Variants in SLC24A4 observed in about 807,000 individuals in gnomAD.
SLC24A4 encodes the protein sodium/potassium/calcium exchanger 4.
Under a neutral mutation model 79.0 loss-of-function variants are expected in SLC24A4, and 53 were observed. The observed-to-expected ratio is 0.67, with a 90% confidence interval of 0.54 to 0.84. SLC24A4 has a LOEUF of 0.84. Among genes scored for constraint, SLC24A4 ranks in the 40% least tolerant of loss-of-function variants. SLC24A4 has a pLI of 0.00. For synonymous variants in SLC24A4, 323 were observed against 323.8 expected, an observed-to-expected ratio of 1.00 and a Z score of 0.03; for missense variants, 731 against 822.0, an observed-to-expected ratio of 0.89 and a Z score of 1.35.
chr14:92,387,783 T>C (rs1369452285), intron 2 of SLC24A4, among the ~76,000 whole-genome samples: 2 of 152,248 alleles, frequency 1.3e-5, no homozygotes, highest in Non-Finnish European at 2.9e-5. Flanking sequence ...CTGCTCCAGG[T>C]ACCTCAAAGA....
intron 2 of SLC24A4, among the ~76,000 whole-genome samples, chr14:92,360,528 G>T (rs1170156379): frequency 6.6e-6 from 1 of 152,160 alleles, no homozygotes; most frequent in Non-Finnish European, 1.5e-5. Flanking sequence ...TTAGATATTT[G>T]GTTTATGTCC....
At position 92,456,618 on chromosome 14, in the gene SLC24A4, G is replaced by T; in HGVS notation, c.1255+10G>T. 1 of 1,612,150 alleles carries T rather than the reference G, an allele frequency of 6.2e-7. No homozygotes were observed. The highest frequency in any genetic ancestry group is 8.5e-7 in the Non-Finnish European group (1 of 1,179,442). On this transcript the variant is annotated intron_variant, in intron 12 of 16. Coordinates refer to ENST00000532405, the MANE Select transcript of SLC24A4 (RefSeq NM_153646.4). ...CCCTTCTCCGTGCCGGGTGAGTTCTGGGGGTACTGGACTCTCGGGCTACAT... is the reference window on the plus strand; with the variant it reads ...CCCTTCTCCGTGCCGGGTGAGTTCTTGGGGTACTGGACTCTCGGGCTACAT...
At chr14:92,468,364 C>T (rs1291755890) in intron 12 of SLC24A4, among the ~76,000 whole-genome samples, 1 of 152,070 alleles carries the variant, frequency 6.6e-6, no homozygotes, top group Non-Finnish European at 1.5e-5. Context: ...TAATGCAATC[C>T]TTATCAAAAC....
At chr14:92,348,113 G>A (rs12586368) in intron 2 of SLC24A4, among the ~76,000 whole-genome samples, 20,157 of 152,086 alleles carry the variant, frequency 0.13, 1,547 homozygotes, top group African/African-American at 0.2. Flanking sequence ...GAAGAAGGAC[G>A]TTCTCAGGAG....
intron 12 of SLC24A4, among the ~76,000 whole-genome samples, chr14:92,474,090 A>C (rs1894582459): frequency 6.6e-6 from 1 of 152,186 alleles, no homozygotes; most frequent in Non-Finnish European, 1.5e-5. Flanking sequence ...CATTCCAGTA[A>C]TGTTTCCTGG....
At chr14:92,483,604 A>G (rs1024103992) in intron 13 of SLC24A4, 2 of 530,452 alleles carry the variant, frequency 3.8e-6, no homozygotes, top group Non-Finnish European at 3.2e-6. Context: ...ATGGCCATAC[A>G]GGACAAGTCC....
chr14:92,350,284 C>T (rs1371740469), intron 2 of SLC24A4, among the ~76,000 whole-genome samples: 1 of 152,136 alleles, frequency 6.6e-6, no homozygotes, highest in Non-Finnish European at 1.5e-5. Flanking sequence ...AAGTAAGTAG[C>T]CAGTCAAATC....
chr14:92,448,662 G>A (rs1213853374), intron 9 of SLC24A4, among the ~76,000 whole-genome samples: 1 of 152,182 alleles, frequency 6.6e-6, no homozygotes, highest in Non-Finnish European at 1.5e-5. Context: ...GGCTGTGAGT[G>A]TGCAGGAGGT....
intron 2 of SLC24A4, among the ~76,000 whole-genome samples, chr14:92,399,298 A>G (rs1398361903): frequency 2.6e-5 from 4 of 152,168 alleles, no homozygotes; most frequent in Non-Finnish European, 5.9e-5. Flanking sequence ...TTTGGCACCT[A>G]CTACGTAGGG....
intron 2 of SLC24A4, among the ~76,000 whole-genome samples, chr14:92,390,067 G>A (rs1443988966): frequency 6.6e-6 from 1 of 151,726 alleles, no homozygotes; most frequent in Non-Finnish European, 1.5e-5. Context: ...CATCACTCCT[G>A]CCCCTTCTCT....
intron 2 of SLC24A4, among the ~76,000 whole-genome samples, chr14:92,423,642 C>T (rs1433997668): frequency 6.6e-6 from 1 of 152,124 alleles, no homozygotes; most frequent in Non-Finnish European, 1.5e-5. Context: ...GAAAACAACC[C>T]AAAATATTTA....
At chr14:92,333,394 C>A (rs1332176582) in intron 2 of SLC24A4, among the ~76,000 whole-genome samples, 5 of 152,194 alleles carry the variant, frequency 3.3e-5, no homozygotes, top group African/African-American at 1.2e-4. Context: ...TGTGCCCGGC[C>A]CCACTTCTGA....
chr14:92,478,800 C>T (rs4900128), intron 12 of SLC24A4, among the ~76,000 whole-genome samples: 138,393 of 152,176 alleles, frequency 0.91, 63,903 homozygotes, highest in Non-Finnish European at 0.99. Context: ...GGAATATTAC[C>T]GTCTTAACCA....
At chr14:92,483,611 G>A (rs12589691) in intron 13 of SLC24A4, 156,920 of 582,248 alleles carry the variant, frequency 0.27, 22,513 homozygotes, top group Admixed American at 0.34. Flanking sequence ...TACAGGACAA[G>A]TCCCCATGTA....
chr14:92,448,545 A>G (rs1892945477), intron 9 of SLC24A4, among the ~76,000 whole-genome samples: 1 of 152,212 alleles, frequency 6.6e-6, no homozygotes, highest in African/African-American at 2.4e-5. Context: ...ATCAGACTGC[A>G]AGAGCATTGT....
At chr14:92,356,092 A>T (rs1887167358) in intron 2 of SLC24A4, among the ~76,000 whole-genome samples, 1 of 152,206 alleles carries the variant, frequency 6.6e-6, no homozygotes, top group South Asian at 2.1e-4. Flanking sequence ...GAATCACATG[A>T]GAGAGTCAAC....
At chr14:92,420,089 C>T (rs567374553) in intron 2 of SLC24A4, among the ~76,000 whole-genome samples, 10 of 152,250 alleles carry the variant, frequency 6.6e-5, no homozygotes, top group East Asian at 5.8e-4. Flanking sequence ...TCACAGACGC[C>T]GGGAGGAAGA....
intron 2 of SLC24A4, among the ~76,000 whole-genome samples, chr14:92,370,767 A>T (rs1398768106): frequency 6.6e-6 from 1 of 152,202 alleles, no homozygotes; most frequent in Admixed American, 6.5e-5. Context: ...AGCAAATTGG[A>T]TGAAAATAGG....
chr14:92,446,370 C>G (rs1892799150), intron 8 of SLC24A4, among the ~76,000 whole-genome samples: 1 of 152,176 alleles, frequency 6.6e-6, no homozygotes, highest in Admixed American at 6.5e-5. Flanking sequence ...TGGTCTCGAA[C>G]TCCTGGGCTC....
Sources: allele counts gnomAD v4.1 joint callset (sites outside exome capture counted in the v4.1 genomes callset), GRCh38; gene constraint gnomAD v4.1.1; transcripts MANE v1.5; gene names NCBI Gene and HGNC (gene_info 2026-07-23, HGNC 2026-07-21).